PSD3: variants seen among roughly 807,000 people sequenced by gnomAD.
The protein encoded by PSD3 is pleckstrin and Sec7 domain containing 3.
A neutral mutation model predicts 105.5 loss-of-function variants in PSD3; 49 were observed. The observed-to-expected ratio is 0.46, with a 90% CI of 0.37 to 0.59. The LOEUF is 0.59. Ranked by LOEUF, PSD3 falls within the 20% of genes least tolerant of loss-of-function variation. The pLI is 0.00. For synonymous variants in PSD3, 557 were observed against 457.8 expected, an observed-to-expected ratio of 1.22 and a Z score of -2.77; for missense variants, 1,561 against 1,263.8, an observed-to-expected ratio of 1.24 and a Z score of -3.57.
chr8:18,659,657 T>C (rs1809185669), intron 9 of PSD3, among the ~76,000 whole-genome samples: 1 of 152,226 alleles, frequency 6.6e-6, no homozygotes, highest in African/African-American at 2.4e-5. Context: ...ATTCAAATAA[T>C]CTGGTAATGT....
chr8:18,948,889 G>A (rs903489255), intron 1 of PSD3, among the ~76,000 whole-genome samples: 1 of 151,912 alleles, frequency 6.6e-6, no homozygotes, highest in Non-Finnish European at 1.5e-5. Context: ...TCTCACCTTA[G>A]TTTGCTATAT....
intron 1 of PSD3, among the ~76,000 whole-genome samples, chr8:18,994,145 A>T (rs79365483): frequency 6.6e-6 from 1 of 151,992 alleles, no homozygotes; most frequent in African/African-American, 2.4e-5. Context: ...GAGTCATGAC[A>T]GGACCTATCT....
chr8:18,936,810 C>A (rs555959789), intron 1 of PSD3, among the ~76,000 whole-genome samples: 1 of 151,874 alleles, frequency 6.6e-6, no homozygotes, highest in African/African-American at 2.4e-5. Flanking sequence ...CATTTTCCAA[C>A]TGATTATCAT....
rs761661349 is a variant in PSD3 at position 18,660,682 on chromosome 8, G to A, written c.2173-4997C>T. Among the ~76,000 whole-genome samples the A allele has an allele frequency of 8.5e-4, 129 of 152,302 alleles. 2 individuals are homozygous for A. Among genetic ancestry groups the A allele is most frequent in the Non-Finnish European group, 4.0e-4 (27 of 68,020 alleles). On this transcript the variant is annotated intron_variant, in intron 9 of 15. Transcript: ENST00000327040. ...CTACCACATCAGCTCCTTGGACGAG[G>A]AAACTGCATGAATATTTCTAAATGC...
chr8:19,081,862 G>A (rs906663564), intron 1 of PSD3, among the ~76,000 whole-genome samples: 8 of 152,298 alleles, frequency 5.3e-5, no homozygotes, highest in Admixed American at 2.0e-4. Flanking sequence ...TACTGTACAC[G>A]TGTAGGAATG....
intron 3 of PSD3, among the ~76,000 whole-genome samples, chr8:18,869,656 A>G (rs1188969682): frequency 6.6e-6 from 1 of 152,126 alleles, no homozygotes. Context: ...CTGGCTGGCA[A>G]ACTCTTTCCT....
At chr8:19,036,081 T>A (rs1383689527) in intron 1 of PSD3, among the ~76,000 whole-genome samples, 1 of 152,140 alleles carries the variant, frequency 6.6e-6, no homozygotes, top group Non-Finnish European at 1.5e-5. Flanking sequence ...CTAATGGCTG[T>A]TGCAATGTTC....
At position 18,956,428 on chromosome 8, in the gene PSD3, TAAGA is replaced by T. The variant is rs146242329; in HGVS notation, c.22-20290_22-20287del. 6.8e-3 allele frequency among the ~76,000 whole-genome samples: 1,035 copies of T among 152,224 alleles called. 6 individuals carry two copies. Among genetic ancestry groups the T allele is most frequent in the Non-Finnish European group, 0.01 (684 of 68,006 alleles). On this transcript the variant is annotated intron_variant, in intron 1 of 15. Transcript: ENST00000327040. Reference sequence around the variant, plus strand: ...GGTCCATGAACTTCACTGCAAATCATAAGAAAGTAGATGATTACACTGGAGAGGC... The same window carrying T: ...GGTCCATGAACTTCACTGCAAATCATAAGTAGATGATTACACTGGAGAGGC...
intron 2 of PSD3, among the ~76,000 whole-genome samples, chr8:18,910,637 T>TAAAAAAAAAA (rs34392783): frequency 1.6e-4 from 16 of 97,106 alleles, no homozygotes; most frequent in East Asian, 5.9e-4. Flanking sequence ...TAGAGTATAA[T>TAAAAAAAAAA]AAAAAAAAAA....
At chr8:18,797,890 G>A (rs1279281455) in intron 8 of PSD3, among the ~76,000 whole-genome samples, 2 of 152,004 alleles carry the variant, frequency 1.3e-5, no homozygotes, top group Admixed American at 6.6e-5. Context: ...TCTTCACGCT[G>A]GTGATCACTG....
rs1177888902 is a variant in PSD3 at position 19,074,738 on chromosome 8, A to G, written c.324+9468T>C. Among the ~76,000 whole-genome samples, 4 of 145,728 alleles carry G rather than the reference A, an allele frequency of 2.7e-5. No homozygotes were observed. In the Admixed American group the frequency reaches 2.8e-4, roughly 10 times the overall value. ...CGGGTTCACGCCATTCTCCTGCCTC[A>G]GCCTCCCGAGTAGCTGGGACTACAA... On this transcript the variant is annotated intron_variant, in intron 1 of 1. Transcript: ENST00000521475.
Position 18,903,406 on chromosome 8 carries a change from A to T in PSD3, c.131-30673T>A, listed in dbSNP as rs190414809. The stretch of plus-strand genomic sequence containing the variant: ...CAAGTACCTGGGAATGGCAAAGAAT[A>T]GCTGTTTTTTGCAGCATGGTGGGGT... On this transcript the variant is annotated intron_variant, in intron 2 of 15. Transcript: ENST00000327040. Among the ~76,000 whole-genome samples the T allele has an allele frequency of 2.9e-3, 445 of 152,256 alleles. 1 individual carries two copies. The highest frequency in any genetic ancestry group is 5.2e-3 in the Non-Finnish European group (353 of 68,008).
intron 14 of PSD3, among the ~76,000 whole-genome samples, chr8:18,561,728 T>G (rs974764611): frequency 2.6e-5 from 4 of 152,194 alleles, no homozygotes; most frequent in African/African-American, 9.6e-5. Context: ...ATTTATATAG[T>G]ACTTAGGTTT....
At chr8:18,852,830 A>G (rs1012721216) in intron 4 of PSD3, among the ~76,000 whole-genome samples, 1 of 152,206 alleles carries the variant, frequency 6.6e-6, no homozygotes, top group African/African-American at 2.4e-5. Flanking sequence ...ATAATAGCCA[A>G]TGATCATTAA....
At chr8:18,864,279 G>A (rs181366083) in intron 4 of PSD3, among the ~76,000 whole-genome samples, 1 of 152,252 alleles carries the variant, frequency 6.6e-6, no homozygotes, top group African/African-American at 2.4e-5. Flanking sequence ...CCATCTGTGT[G>A]ACCTTTAGCA....
chr8:18,864,533 G>C (rs1816685630), intron 4 of PSD3: 1 of 152,110 alleles, frequency 6.6e-6, no homozygotes, highest in Admixed American at 6.5e-5. Context: ...CTTGGTTCAT[G>C]TCTACCAAAT....
chr8:18,675,654 C>T (rs917496629), intron 9 of PSD3, among the ~76,000 whole-genome samples: 3 of 151,972 alleles, frequency 2.0e-5, no homozygotes, highest in East Asian at 3.9e-4. Flanking sequence ...ATCTACGTGT[C>T]CAAACAGGTA....
intron 1 of PSD3, among the ~76,000 whole-genome samples, chr8:19,065,609 G>A (rs1448024428): frequency 6.6e-6 from 1 of 152,156 alleles, no homozygotes; most frequent in Non-Finnish European, 1.5e-5. Flanking sequence ...ATTACAAAGG[G>A]TATTACAACC....
chr8:18,962,478 G>A (rs972069775), intron 1 of PSD3, among the ~76,000 whole-genome samples: 2 of 152,114 alleles, frequency 1.3e-5, no homozygotes, highest in Admixed American at 6.5e-5. Flanking sequence ...GGTATTTTTG[G>A]TGGGAGGAGG....
Sources: gnomAD v4.1 joint callset for allele counts (sites outside exome capture counted in the v4.1 genomes callset) on GRCh38, gnomAD v4.1.1 for gene constraint, MANE v1.5 for transcripts, NCBI Gene and HGNC (gene_info 2026-07-23, HGNC 2026-07-21) for gene names.